GRP: variants seen among roughly 807,000 people sequenced by gnomAD.
GRP encodes the protein gastrin releasing peptide.
Under a neutral mutation model 12.7 loss-of-function variants are expected in GRP, and 11 were observed. The ratio of observed to expected loss-of-function variants is 0.87; its 90% CI spans 0.55 to 1.44. GRP has a LOEUF of 1.44. Among genes scored for constraint, GRP ranks in the 40% most tolerant of loss-of-function variants. The pLI is 0.00. For missense variants in GRP, 212 were observed against 185.4 expected, an observed-to-expected ratio of 1.14 and a Z score of -0.83; for synonymous variants, 84 against 77.7, an observed-to-expected ratio of 1.08 and a Z score of -0.43.
intron 2 of GRP, among the ~76,000 whole-genome samples, chr18:59,226,364 A>G (rs1486991063): frequency 6.6e-6 from 1 of 152,246 alleles, no homozygotes; most frequent in Non-Finnish European, 1.5e-5. Flanking sequence ...ACAGGAAGAA[A>G]GCAAGGCAAC....
intron 2 of GRP, among the ~76,000 whole-genome samples, chr18:59,227,017 C>A (rs1314642860): frequency 7.6e-6 from 1 of 131,718 alleles, no homozygotes; most frequent in African/African-American, 3.0e-5. Flanking sequence ...TTCTTTCTTT[C>A]TTTCTTTCTT....
intron 1 of GRP, among the ~76,000 whole-genome samples, chr18:59,225,036 G>C (rs1363151919): frequency 6.6e-6 from 1 of 152,142 alleles, no homozygotes; most frequent in Non-Finnish European, 1.5e-5. Flanking sequence ...TTTATTTTCA[G>C]CAGCAATTCA....
upstream of GRP, among the ~76,000 whole-genome samples, chr18:59,219,239 C>T (rs756876375): frequency 4.9e-4 from 74 of 151,542 alleles, no homozygotes; most frequent in Middle Eastern, 0.01. Flanking sequence ...TGGCATAAAG[C>T]AGTTTCTTTC....
At chr18:59,220,561 TA>T (rs1301401120) in intron 1 of GRP, among the ~76,000 whole-genome samples, 157 bp downstream of exon 1, 1 of 152,108 alleles carries the variant, frequency 6.6e-6, no homozygotes, top group Non-Finnish European at 1.5e-5. Context: ...CCCGTTCTCC[TA>T]AAACTCCACC....
At chr18:59,219,280 A>C (rs999945697), upstream of GRP, among the ~76,000 whole-genome samples, 1 of 150,806 alleles carries the variant, frequency 6.6e-6, no homozygotes. Context: ...TGCTTGTGAA[A>C]AGGGCCAGCT....
intron 1 of GRP, among the ~76,000 whole-genome samples, chr18:59,221,581 G>C (rs995054558): frequency 3.3e-5 from 5 of 149,890 alleles, no homozygotes; most frequent in African/African-American, 1.3e-4. Context: ...GTGTGTCTCT[G>C]TGTGTGTGTG....
chr18:59,223,880 T>G (rs2069873678), intron 1 of GRP, among the ~76,000 whole-genome samples: 1 of 152,224 alleles, frequency 6.6e-6, no homozygotes, highest in Admixed American at 6.5e-5. Context: ...AGGTCTTCAC[T>G]TGGGACAGTA....
At chr18:59,229,036 CTCATCAAA>C (rs1206635887) in intron 2 of GRP, among the ~76,000 whole-genome samples, 1 of 152,202 alleles carries the variant, frequency 6.6e-6, no homozygotes, top group African/African-American at 2.4e-5. Flanking sequence ...CTCTCACTGT[CTCATCAAA>C]TCAGTACAGA....
chr18:59,220,455 C>A, intron 1 of GRP, 51 bp downstream of exon 1: 1 of 1,315,028 alleles, frequency 7.6e-7, no homozygotes, highest in Non-Finnish European at 9.7e-7. Context: ...CTGGATCAGC[C>A]AGCCGGAGGG....
chr18:59,226,775 A>G (rs2069928161), intron 2 of GRP, among the ~76,000 whole-genome samples: 1 of 152,150 alleles, frequency 6.6e-6, no homozygotes, highest in Admixed American at 6.5e-5. Flanking sequence ...TTCCACTCAC[A>G]GTACTGGAGA....
Position 59,230,412 on chromosome 18 carries a change from C to G in GRP, c.391C>G (p.Leu131Val). 6.4e-7 allele frequency: 1 copy of G among 1,573,510 alleles called. No homozygotes were observed. Among genetic ancestry groups the G allele is most frequent in the Non-Finnish European group, 8.7e-7 (1 of 1,142,960 alleles). ...DVGSKGKVGR[L>V]SAPGSQREGR... ...TTCTAATATTTCTTAAGTTGGTAGA[C>G]TCTCTGCTCCAGGTTCTCAACGTGA... Residue 131 changes from leucine to valine, a missense_variant, in exon 3 of 3, where the codon CTC becomes GTC. By Grantham distance (32) the Leu-to-Val change is conservative. Transcript: ENST00000256857.
At chr18:59,227,090 T>A (rs1440119739) in intron 2 of GRP, among the ~76,000 whole-genome samples, 1 of 149,582 alleles carries the variant, frequency 6.7e-6, no homozygotes, top group Non-Finnish European at 1.5e-5. Context: ...TCTCTTGCTC[T>A]CTCTCTCTCT....
In GRP at chr18:59,230,462, G is replaced by A. The variant is rs1448001544; in HGVS notation, c.441G>A (p.Gln147=). 2 of 1,578,000 alleles carry A rather than the reference G, an allele frequency of 1.3e-6. No homozygotes were observed. Among genetic ancestry groups the A allele is most frequent in the South Asian group, 2.2e-5 (2 of 90,382 alleles). ...QREGRNPQLN[Q]Q The stretch of plus-strand genomic sequence containing the variant: ...AAGGAAGGAACCCCCAGCTGAACCA[G>A]CAATGATAATGATGGCCTCTCTCAA... Residue 147 remains glutamine (Q), a synonymous_variant, in exon 3 of 3, where the codon CAG becomes CAA. Coordinates refer to ENST00000256857, the MANE Select transcript of GRP (RefSeq NM_002091.5).
intron 2 of GRP, among the ~76,000 whole-genome samples, chr18:59,229,814 C>T (rs1253347374): frequency 2.0e-5 from 3 of 152,216 alleles, no homozygotes; most frequent in African/African-American, 7.2e-5. Flanking sequence ...AACAAGCAAA[C>T]CACAATAAAT....
At chr18:59,221,688 A>G (rs1432290184) in intron 1 of GRP, among the ~76,000 whole-genome samples, 1 of 152,030 alleles carries the variant, frequency 6.6e-6, no homozygotes, top group East Asian at 1.9e-4. Flanking sequence ...TAATTCATAT[A>G]TCGGCTGATT....
At chr18:59,230,337 T>A in intron 2 of GRP, 67 bp from the exon 3 acceptor site, 1 of 901,366 alleles carries the variant, frequency 1.1e-6, no homozygotes, top group South Asian at 1.3e-5. Context: ...CTTGTAGGAA[T>A]GGATTTACTT....
chr18:59,229,326 C>G (rs1439792065), intron 2 of GRP, among the ~76,000 whole-genome samples: 2 of 152,200 alleles, frequency 1.3e-5, no homozygotes, highest in Non-Finnish European at 1.5e-5. Flanking sequence ...CCAAACCTCT[C>G]TTATTCAATA....
upstream of GRP, among the ~76,000 whole-genome samples, chr18:59,219,246 T>G (rs2069788881): frequency 6.6e-6 from 1 of 151,458 alleles, no homozygotes; most frequent in South Asian, 2.1e-4. Context: ...AAGCAGTTTC[T>G]TTCTCTATTC....
intron 2 of GRP, 92 bp downstream of exon 2, chr18:59,225,826 A>G: frequency 8.3e-7 from 1 of 1,197,770 alleles, no homozygotes; most frequent in Non-Finnish European, 1.2e-6. Context: ...AGAATTGCTT[A>G]TGATATAAAC....
Sources: allele counts gnomAD v4.1 joint callset (sites outside exome capture counted in the v4.1 genomes callset), GRCh38; gene constraint gnomAD v4.1.1; transcripts MANE v1.5; gene names NCBI Gene and HGNC (gene_info 2026-07-23, HGNC 2026-07-21).